The following YTHDC1 variants were observed in gnomAD, a reference collection of about 807,000 sequenced individuals.
YTHDC1 encodes YTH domain-containing protein 1.
In YTHDC1, 12 loss-of-function variants were observed where a neutral mutation model predicts 107.0. That is an observed-to-expected ratio of 0.11 (90% confidence interval 0.07 to 0.18). YTHDC1 has a LOEUF of 0.18. Among genes scored for constraint, YTHDC1 ranks in the 10% least tolerant of loss-of-function variants. The pLI is 1.00. For missense variants in YTHDC1, 635 were observed against 898.8 expected (o/e 0.71, Z 3.75); for synonymous variants, 280 against 289.5 (o/e 0.97, Z 0.33).
intron 9 of YTHDC1, among the ~76,000 whole-genome samples, chr4:68,327,693 T>C (rs538180955): frequency 5.9e-5 from 9 of 152,340 alleles, no homozygotes; most frequent in East Asian, 5.8e-4. Context: ...TTACTGTTGA[T>C]AGCAAAGTCC....
chr4:68,329,558 G>A (rs1045888079), intron 9 of YTHDC1, among the ~76,000 whole-genome samples: 3 of 152,244 alleles, frequency 2.0e-5, no homozygotes, highest in Admixed American at 6.5e-5. Context: ...AAATAAGCCT[G>A]ATTATTTTTC....
chr4:68,329,613 T>C (rs1167696162), intron 9 of YTHDC1, among the ~76,000 whole-genome samples: 8 of 152,094 alleles, frequency 5.3e-5, no homozygotes, highest in Non-Finnish European at 1.2e-4. Flanking sequence ...AAGATCACAA[T>C]GGCAACTAAA....
chr4:68,346,354 C>T (rs2109749893), intron 1 of YTHDC1, among the ~76,000 whole-genome samples: 1 of 152,210 alleles, frequency 6.6e-6, no homozygotes, highest in Admixed American at 6.5e-5. Flanking sequence ...GACTGCTCCA[C>T]TGCACTCCAG....
Position 68,337,924 on chromosome 4 carries a change from A to G in YTHDC1, c.131-24T>C, listed in dbSNP as rs763191356. 2.5e-6 allele frequency: 4 copies of G among 1,586,742 alleles called. No homozygotes were observed. In the African/African-American group the frequency reaches 5.5e-5, roughly 22 times the overall value. ...TCCTTTAAAATACAATGTAAAAAAA[A>G]AAAAAAGAAGTATTTGTAGTATTCC... On this transcript the variant is annotated intron_variant, in intron 2 of 16. Transcript: ENST00000344157.
chr4:68,314,383 C>A (rs757543766), intron 16 of YTHDC1, 60 bp from the exon 17 acceptor site: 23 of 1,434,910 alleles, frequency 1.6e-5, no homozygotes, highest in Non-Finnish European at 2.1e-5. Flanking sequence ...TAAGTGGATC[C>A]CTGATTTGAA....
At chr4:68,314,452 T>C in intron 16 of YTHDC1, 129 bp from the exon 17 acceptor site, 1 of 746,022 alleles carries the variant, frequency 1.3e-6, no homozygotes, top group Non-Finnish European at 2.0e-6. Context: ...TGTATTATAA[T>C]CGGCGGAGAG....
intron 4 of YTHDC1, 83 bp from the exon 5 acceptor site, chr4:68,333,480 CTA>C: frequency 1.0e-6 from 1 of 957,858 alleles, no homozygotes; most frequent in Non-Finnish European, 1.6e-6. Context: ...CATTACATGT[CTA>C]GTTTTTGCAT....
At position 68,318,392 on chromosome 4, in the gene YTHDC1, G is replaced by A. The variant is rs182175842; in HGVS notation, c.1824+127C>T. 2.3e-4 allele frequency: 214 copies of A among 936,762 alleles called. 2 individuals are homozygous for A. In the East Asian group the frequency reaches 4.8e-3, roughly 21 times the overall value. 58.0% of individuals were successfully genotyped at this position (936,762 alleles called of 1,614,324 possible). A position where few individuals can be genotyped will look rare whatever the true frequency, so the allele number is the denominator to read the frequency against. On this transcript the variant is annotated intron_variant, in intron 15 of 16. Transcript: ENST00000344157. ...CAAAGTGCTGGGACTGCAGGTGTGA[G>A]CCACGGCGCCTGGCCAGTTTAAGTC...
At position 68,322,505 on chromosome 4, in the gene YTHDC1, AACTGGTTATC is replaced by A. The variant is rs374802428; in HGVS notation, c.1601+234_1601+243del. On this transcript the variant is annotated intron_variant, in intron 11 of 16. Coordinates refer to ENST00000344157, the MANE Select transcript of YTHDC1 (RefSeq NM_001031732.4). This position sits in a 1 kb window ranked among gnomAD's most constrained non-coding sequence, Gnocchi z 4.8. ...TATTATCAGAGTATTATCTAATCTA[AACTGGTTATC>A]ACTGGTTATACTTTTTTCTGCATAA... 1.3e-3 allele frequency: 626 copies of A among 485,334 alleles called. 3 individuals are homozygous for A. The highest frequency in any genetic ancestry group is 0.011 in the African/African-American group (559 of 51,724). The allele number at this position is 485,334 out of a possible 1,614,324, so 30.1% of individuals were successfully genotyped here. A position where few individuals can be genotyped will look rare whatever the true frequency, so the allele number is the denominator to read the frequency against.
intron 15 of YTHDC1, 54 bp from the exon 16 acceptor site, chr4:68,316,502 G>A: frequency 6.4e-7 from 1 of 1,573,090 alleles, no homozygotes; most frequent in Non-Finnish European, 8.6e-7. Flanking sequence ...TTGTAAACAA[G>A]CGATTCTTAG....
chr4:68,338,666 C>T (rs1455013368), intron 1 of YTHDC1, among the ~76,000 whole-genome samples: 1 of 152,204 alleles, frequency 6.6e-6, no homozygotes, highest in African/African-American at 2.4e-5. Flanking sequence ...GCCTGGCCAA[C>T]ATGGCAAAAC....
chr4:68,346,892 T>C (rs1332783688), intron 1 of YTHDC1, among the ~76,000 whole-genome samples: 4 of 152,208 alleles, frequency 2.6e-5, no homozygotes, highest in Non-Finnish European at 2.9e-5. Context: ...TATAGTAATA[T>C]CCATTGTTTC....
chr4:68,332,304 A>G, intron 6 of YTHDC1, 107 bp from the exon 7 acceptor site: 1 of 600,930 alleles, frequency 1.7e-6, no homozygotes, highest in Non-Finnish European at 2.8e-6. Flanking sequence ...CTAAACTTTT[A>G]AAACGCAACA....
intron 11 of YTHDC1, among the ~76,000 whole-genome samples, chr4:68,321,569 T>A (rs185587576): frequency 1.3e-5 from 2 of 152,278 alleles, no homozygotes; most frequent in Admixed American, 1.3e-4. Context: ...AAACTTCACT[T>A]GTATATATTG....
At chr4:68,318,405 G>A (rs2109681988) in intron 15 of YTHDC1, 114 bp downstream of exon 15, 2 of 1,080,326 alleles carry the variant, frequency 1.9e-6, no homozygotes, top group Non-Finnish European at 1.3e-6. Context: ...ACGGCGCCTG[G>A]CCAGTTTAAG....
At chr4:68,316,052 G>A in intron 16 of YTHDC1, 3 of 294,984 alleles carry the variant, frequency 1.0e-5, no homozygotes, top group Non-Finnish European at 1.9e-5. Context: ...ACATAGCCTA[G>A]GTACTACCTA....
chr4:68,320,278 G>A, intron 11 of YTHDC1, 73 bp from the exon 12 acceptor site: 1 of 1,114,874 alleles, frequency 9.0e-7, no homozygotes, highest in Admixed American at 2.4e-5. Context: ...AAGAGTTTCT[G>A]ACAGAGATAA....
chr4:68,315,697 C>CT (rs1344506231), intron 16 of YTHDC1, among the ~76,000 whole-genome samples: 2 of 152,056 alleles, frequency 1.3e-5, no homozygotes, highest in African/African-American at 4.8e-5. Flanking sequence ...AAACTAGAGT[C>CT]TTTTTTTCAC....
At chr4:68,349,244 G>A (rs1004492654) in intron 1 of YTHDC1, among the ~76,000 whole-genome samples, 3 of 152,206 alleles carry the variant, frequency 2.0e-5, no homozygotes, top group Non-Finnish European at 4.4e-5. Flanking sequence ...ACAGCCAGAA[G>A]TTATTTGCAG....
Sources: gnomAD v4.1 joint callset for allele counts (sites outside exome capture counted in the v4.1 genomes callset) on GRCh38, gnomAD v4.1.1 for gene constraint, Gnocchi (gnomAD v3.1) non-coding constraint, MANE v1.5 for transcripts, NCBI Gene and HGNC (gene_info 2026-07-23, HGNC 2026-07-21) for gene names.